FTO: variants seen among roughly 807,000 people sequenced by gnomAD.
FTO encodes FTO alpha-ketoglutarate dependent dioxygenase, also known as alpha-ketoglutarate-dependent dioxygenase FTO.
A neutral mutation model predicts 63.9 loss-of-function variants in FTO; 47 were observed. That is an observed-to-expected ratio of 0.74 (90% CI 0.58 to 0.94). FTO has a LOEUF of 0.94. Among genes scored for constraint, FTO ranks in the 40% least tolerant of loss-of-function variants. The pLI is 0.00. For missense variants in FTO, 562 were observed against 618.1 expected, an observed-to-expected ratio of 0.91 and a Z score of 0.96; for synonymous variants, 207 against 224.4, an observed-to-expected ratio of 0.92 and a Z score of 0.69.
At chr16:53,949,004 T>TATA (rs2082711969) in intron 8 of FTO, among the ~76,000 whole-genome samples, 1 of 152,220 alleles carries the variant, frequency 6.6e-6, no homozygotes, top group Admixed American at 6.5e-5. Flanking sequence ...CACTATTTCA[T>TATA]CTTTCCTTTT....
intron 4 of FTO, among the ~76,000 whole-genome samples, chr16:53,861,143 A>G (rs923486643): frequency 6.6e-6 from 1 of 152,204 alleles, no homozygotes; most frequent in Non-Finnish European, 1.5e-5. Flanking sequence ...ATCTTTGTAC[A>G]TATATCTTTA....
intron 8 of FTO, among the ~76,000 whole-genome samples, chr16:54,061,911 G>T (rs1441398667): frequency 6.6e-6 from 1 of 152,122 alleles, no homozygotes; most frequent in African/African-American, 2.4e-5. Flanking sequence ...CCTGGTCTAG[G>T]GCTAGAATGC....
At chr16:54,094,139 A>G (rs1446062259) in intron 8 of FTO, among the ~76,000 whole-genome samples, 1 of 152,184 alleles carries the variant, frequency 6.6e-6, no homozygotes, top group Admixed American at 6.5e-5. Flanking sequence ...AGACTACAAG[A>G]CAGTAAGTAA....
intron 8 of FTO, among the ~76,000 whole-genome samples, chr16:53,934,692 T>C (rs2082350037): frequency 6.6e-6 from 1 of 152,134 alleles, no homozygotes; most frequent in Admixed American, 6.5e-5. Context: ...TACTGAATAT[T>C]ATAGGCAGTT....
intron 8 of FTO, among the ~76,000 whole-genome samples, chr16:53,964,542 T>A (rs974697282): frequency 6.6e-6 from 1 of 152,202 alleles, no homozygotes; most frequent in Non-Finnish European, 1.5e-5. Flanking sequence ...GGTTTAATAT[T>A]TTTTTAAATC....
At position 54,112,377 on chromosome 16, in the gene FTO, A is replaced by C; in HGVS notation, c.*462A>C. On this transcript the variant is annotated 3_prime_UTR_variant, in exon 9 of 9. Coordinates refer to ENST00000471389, the MANE Select transcript of FTO (RefSeq NM_001080432.3). ...GCCACTAGCTAGCTGTGGCTACTTC[A>C]ATTTAAATTCAGTTTTAATTTTAAT... 1 of 183,572 alleles carries C rather than the reference A, an allele frequency of 5.4e-6. No individual in the cohort carries two copies. The highest frequency in any genetic ancestry group is 1.4e-4 in the East Asian group (1 of 7,032). 11.4% of individuals were successfully genotyped at this position (183,572 alleles called of 1,614,324 possible).
At position 54,118,760 on chromosome 16, in the gene FTO, GAGA is replaced by G. The variant is rs2086988734; in HGVS notation, c.*6848_*6850del. 6.6e-6 allele frequency: 1 copy of G among 152,110 alleles called. No individual in the cohort carries two copies. The highest frequency in any genetic ancestry group is 1.5e-5 in the Non-Finnish European group (1 of 68,056). The allele number at this position is 152,110 out of a possible 1,614,324, so 9.4% of individuals were successfully genotyped here. A position where few individuals can be genotyped will look rare whatever the true frequency, so the allele number is the denominator to read the frequency against. On this transcript the variant is annotated 3_prime_UTR_variant, in exon 9 of 9. Coordinates refer to ENST00000471389, the MANE Select transcript of FTO (RefSeq NM_001080432.3). ...CCCTTCTTCCCTTCCCAGCCTCCGA[GAGA>G]AGGAGAGAGGGTCCACAAGCCAGAT... is the stretch of plus-strand genomic sequence containing the variant.
At chr16:53,777,597 G>A (rs1348410015) in intron 1 of FTO, among the ~76,000 whole-genome samples, 2 of 152,082 alleles carry the variant, frequency 1.3e-5, no homozygotes, top group Non-Finnish European at 1.5e-5. Context: ...ATGTCACTGA[G>A]TTATACAGAT....
chr16:53,993,423 A>G (rs763493606), intron 8 of FTO: 1 of 152,154 alleles, frequency 6.6e-6, no homozygotes, highest in Non-Finnish European at 1.5e-5. Context: ...TCTGCCCATT[A>G]GTCTTTGGCA....
In FTO at chr16:53,792,001, T is replaced by A. The variant is rs922007071; in HGVS notation, c.46-18139T>A. Among the ~76,000 whole-genome samples the A allele has an allele frequency of 2.0e-5, 3 of 150,386 alleles. No homozygotes were observed. In the Admixed American group the frequency reaches 2.0e-4, roughly 10 times the overall value. ...TGAGGCAGGAGAATGGCGTGAACCC[T>A]GGAGGCGGAGCTTGCAGTGAGCCGA... On this transcript the variant is annotated intron_variant, in intron 1 of 8. Transcript: ENST00000471389.
At chr16:53,974,189 T>A (rs1180747406) in intron 8 of FTO, among the ~76,000 whole-genome samples, 1 of 152,190 alleles carries the variant, frequency 6.6e-6, no homozygotes, top group Non-Finnish European at 1.5e-5. Flanking sequence ...ACAAAAAGAT[T>A]AAACTTGCCT....
chr16:54,009,319 TACA>T (rs1423365955), intron 8 of FTO, among the ~76,000 whole-genome samples: 1 of 152,196 alleles, frequency 6.6e-6, no homozygotes, highest in Non-Finnish European at 1.5e-5. Context: ...GTATTATTCT[TACA>T]ACTTCTCTGC....
intron 3 of FTO, among the ~76,000 whole-genome samples, chr16:53,834,225 C>T (rs1442603488): frequency 2.6e-5 from 4 of 152,026 alleles, no homozygotes; most frequent in Admixed American, 2.6e-4. Flanking sequence ...GGAGTTTTAC[C>T]ATGTTAGCCA....
intron 8 of FTO, among the ~76,000 whole-genome samples, chr16:53,974,827 A>G (rs1484584183): frequency 2.6e-5 from 4 of 152,020 alleles, no homozygotes; most frequent in Non-Finnish European, 4.4e-5. Flanking sequence ...ATTCTGTATC[A>G]ATCCTTTCTG....
intron 3 of FTO, among the ~76,000 whole-genome samples, chr16:53,830,203 G>A (rs2079108311): frequency 6.6e-6 from 1 of 152,154 alleles, no homozygotes; most frequent in Non-Finnish European, 1.5e-5. Context: ...TTCACATGCC[G>A]TTCTAGTTAA....
At chr16:54,071,007 T>C (rs2085853663) in intron 8 of FTO, 1 of 152,210 alleles carries the variant, frequency 6.6e-6, no homozygotes, top group Admixed American at 6.5e-5. Flanking sequence ...AAAGCACAGA[T>C]TGTAAGGCAG....
At chr16:53,967,903 T>A (rs1946593027) in intron 8 of FTO, among the ~76,000 whole-genome samples, 1 of 152,210 alleles carries the variant, frequency 6.6e-6, no homozygotes, top group Admixed American at 6.5e-5. Context: ...TTTGCAGGAA[T>A]GGAGTTGTGT....
At chr16:53,921,267 T>A (rs2082000531) in intron 7 of FTO, among the ~76,000 whole-genome samples, 1 of 152,204 alleles carries the variant, frequency 6.6e-6, no homozygotes, top group African/African-American at 2.4e-5. Context: ...CCCCAGTGTT[T>A]TACACTTCAT....
chr16:53,808,831 G>A (rs2078438527), intron 1 of FTO, among the ~76,000 whole-genome samples: 1 of 152,150 alleles, frequency 6.6e-6, no homozygotes, highest in South Asian at 2.1e-4. Context: ...TGACTTACTG[G>A]CTGACAGTAG....
Sources: allele counts gnomAD v4.1 joint callset (sites outside exome capture counted in the v4.1 genomes callset), GRCh38; gene constraint gnomAD v4.1.1; transcripts MANE v1.5; gene names NCBI Gene and HGNC (gene_info 2026-07-23, HGNC 2026-07-21).